The following ZFHX3 variants were observed in gnomAD, a reference collection of about 807,000 sequenced individuals.
ZFHX3 encodes the protein zinc finger homeobox 3.
A neutral mutation model predicts 279.1 loss-of-function variants in ZFHX3; 42 were observed. That is an observed-to-expected ratio of 0.15 (90% CI 0.12 to 0.19). ZFHX3 has a LOEUF of 0.19. Ranked by LOEUF, ZFHX3 falls within the 10% of genes least tolerant of loss-of-function variation. The pLI, the probability that ZFHX3 is intolerant of heterozygous loss-of-function variation, is 1.00. For synonymous variants in ZFHX3, 2,293 were observed against 1,957.8 expected (o/e 1.17, Z -4.52); for missense variants, 4,981 against 4,754.0 (o/e 1.05, Z -1.40).
At chr16:73,779,289 T>A (rs1406413541) in intron 1 of ZFHX3, among the ~76,000 whole-genome samples, 1 of 152,234 alleles carries the variant, frequency 6.6e-6, no homozygotes, top group Non-Finnish European at 1.5e-5. Context: ...TAATGCTATG[T>A]TGGAATGAAA....
intron 6 of ZFHX3, among the ~76,000 whole-genome samples, chr16:73,139,235 A>C (rs953954836): frequency 6.6e-6 from 1 of 152,206 alleles, no homozygotes; most frequent in Non-Finnish European, 1.5e-5. Context: ...TTGCAATGAA[A>C]CTATGAAAAA....
chr16:73,461,311 G>A (rs2018466691), intron 2 of ZFHX3, among the ~76,000 whole-genome samples: 1 of 152,080 alleles, frequency 6.6e-6, no homozygotes, highest in Non-Finnish European at 1.5e-5. Flanking sequence ...CTAGTCCTTT[G>A]TTGGATATGG....
At chr16:72,842,107 C>G (rs2037357616) in intron 4 of ZFHX3, among the ~76,000 whole-genome samples, 1 of 152,204 alleles carries the variant, frequency 6.6e-6, no homozygotes, top group South Asian at 2.1e-4. Context: ...TGAGATCCTT[C>G]CGTGTACACA....
chr16:73,207,125 C>T (rs1206119461), intron 5 of ZFHX3, among the ~76,000 whole-genome samples: 1 of 152,078 alleles, frequency 6.6e-6, no homozygotes, highest in Non-Finnish European at 1.5e-5. Context: ...GGAATTGACT[C>T]AGTCCCTGTA....
chr16:73,663,140 T>C (rs2052802781), intron 2 of ZFHX3, among the ~76,000 whole-genome samples: 1 of 152,256 alleles, frequency 6.6e-6, no homozygotes. Context: ...TTGTAGCGTC[T>C]TGACAGACAT....
intron 2 of ZFHX3, among the ~76,000 whole-genome samples, chr16:72,953,168 C>G (rs1961077093): frequency 6.6e-6 from 1 of 152,122 alleles, no homozygotes; most frequent in African/African-American, 2.4e-5. Flanking sequence ...CCACAGAAAT[C>G]TTTTGCACAT....
At chr16:73,198,741 C>T (rs1968205997) in intron 5 of ZFHX3, among the ~76,000 whole-genome samples, 1 of 152,192 alleles carries the variant, frequency 6.6e-6, no homozygotes, top group Non-Finnish European at 1.5e-5. Context: ...GGGCTTCTGT[C>T]ATCATTGGGA....
chr16:72,893,979 G>A (rs954927893), intron 3 of ZFHX3, among the ~76,000 whole-genome samples: 1 of 151,828 alleles, frequency 6.6e-6, no homozygotes. Flanking sequence ...ATGAAACCCC[G>A]TCTCTATAAA....
intron 1 of ZFHX3, among the ~76,000 whole-genome samples, chr16:73,785,974 G>T (rs145866846): frequency 6.6e-6 from 1 of 151,986 alleles, no homozygotes; most frequent in Non-Finnish European, 1.5e-5. Flanking sequence ...AGGTTCAAGC[G>T]ATTCTCCCAC....
At chr16:73,587,082 T>A (rs2051934923) in intron 2 of ZFHX3, among the ~76,000 whole-genome samples, 1 of 152,004 alleles carries the variant, frequency 6.6e-6, no homozygotes, top group South Asian at 2.1e-4. Flanking sequence ...AAAGAAAGAG[T>A]GAAATTTTTG....
intron 1 of ZFHX3, among the ~76,000 whole-genome samples, chr16:73,696,356 T>G (rs1369820335): frequency 6.6e-6 from 1 of 152,046 alleles, no homozygotes; most frequent in Non-Finnish European, 1.5e-5. Flanking sequence ...TTTCAAGTAG[T>G]AAAGAGGTGG....
chr16:73,266,470 C>T (rs963902451), intron 4 of ZFHX3, among the ~76,000 whole-genome samples: 12 of 152,062 alleles, frequency 7.9e-5, no homozygotes, highest in South Asian at 2.1e-4. Context: ...CCAGGCATGA[C>T]GAGAGGTGTT....
At chr16:72,889,487 TAAA>T (rs372928371) in intron 4 of ZFHX3, among the ~76,000 whole-genome samples, 163 of 115,920 alleles carry the variant, frequency 1.4e-3, no homozygotes, top group Middle Eastern at 0.014. Context: ...CAATTTCCTT[TAAA>T]AAAAAAAAAA....
chr16:72,939,298 C>G (rs1302808863), intron 3 of ZFHX3, among the ~76,000 whole-genome samples: 2 of 152,142 alleles, frequency 1.3e-5, no homozygotes. Context: ...TCCGATGCTG[C>G]TCAGAGAACC....
intron 1 of ZFHX3, among the ~76,000 whole-genome samples, chr16:73,046,086 A>G (rs1965290556): frequency 6.6e-6 from 1 of 152,174 alleles, no homozygotes; most frequent in South Asian, 2.1e-4. Flanking sequence ...AGGGAGAGAG[A>G]AAAAGTTTCT....
intron 7 of ZFHX3, chr16:73,123,468 G>C (rs1290455578): frequency 6.7e-6 from 1 of 148,626 alleles, no homozygotes; most frequent in Non-Finnish European, 1.5e-5. Flanking sequence ...TCCCTCCCAG[G>C]TTCCAGGCAC....
At chr16:73,466,622 G>T (rs1238360898) in intron 2 of ZFHX3, among the ~76,000 whole-genome samples, 1 of 152,174 alleles carries the variant, frequency 6.6e-6, no homozygotes, top group Non-Finnish European at 1.5e-5. Flanking sequence ...GATCTGGAAG[G>T]GTGGGTGCGG....
At chr16:73,478,368 C>G (rs767416322) in intron 2 of ZFHX3, among the ~76,000 whole-genome samples, 34 of 151,974 alleles carry the variant, frequency 2.2e-4, no homozygotes, top group Non-Finnish European at 3.8e-4. Context: ...GTCTGATGCT[C>G]TACCAACTGA....
chr16:72,922,855 C>G (rs538672937), intron 3 of ZFHX3, among the ~76,000 whole-genome samples: 3 of 152,216 alleles, frequency 2.0e-5, no homozygotes, highest in East Asian at 1.9e-4. Context: ...GAGGCTGATA[C>G]CTGTCAGGGC....
Sources: gnomAD v4.1 joint callset for allele counts (sites outside exome capture counted in the v4.1 genomes callset) on GRCh38, gnomAD v4.1.1 for gene constraint, MANE v1.5 for transcripts, NCBI Gene and HGNC (gene_info 2026-07-23, HGNC 2026-07-21) for gene names.